Variants in RINT1 observed in about 807,000 individuals in gnomAD.
RINT1 encodes RAD50 interactor 1.
A neutral mutation model predicts 97.7 loss-of-function variants in RINT1; 75 were observed. That is an observed-to-expected ratio of 0.77 (90% CI 0.64 to 0.93). The LOEUF (loss-of-function observed/expected upper bound fraction) is 0.93. Among genes scored for constraint, RINT1 ranks in the 40% least tolerant of loss-of-function variants. RINT1 has a pLI of 0.00. For missense variants in RINT1, 892 were observed against 925.2 expected, an observed-to-expected ratio of 0.96 and a Z score of 0.47; for synonymous variants, 303 against 326.3, an observed-to-expected ratio of 0.93 and a Z score of 0.77.
rs1289650103 is a variant in RINT1 at position 105,567,487 on chromosome 7, G to A, written c.*176G>A. On this transcript the variant is annotated 3_prime_UTR_variant, in exon 15 of 15. Coordinates refer to ENST00000257700, the MANE Select transcript of RINT1 (RefSeq NM_021930.6). ...CTGACCATATTTCCTTCATCCTCTT[G>A]TTCCTAAGGAAACAAAAACAGAAAA... The A allele has an allele frequency of 1.4e-6, 1 of 703,714 alleles. No homozygotes were observed. The highest frequency in any genetic ancestry group is 2.1e-5 in the Admixed American group (1 of 48,186). The allele number at this position is 703,714 out of a possible 1,614,324, so 43.6% of individuals were successfully genotyped here. A position where few individuals can be genotyped will look rare whatever the true frequency, so the allele number is the denominator to read the frequency against.
intron 10 of RINT1, among the ~76,000 whole-genome samples, chr7:105,552,394 A>G (rs1049013111): frequency 1.3e-5 from 2 of 152,138 alleles, no homozygotes; most frequent in African/African-American, 4.8e-5. Flanking sequence ...TAAAATAATG[A>G]AGTAATTTTA....
Position 105,567,344 on chromosome 7 carries a change from T to C in RINT1, c.*33T>C. The stretch of plus-strand genomic sequence containing the variant: ...CAGAAAAAGGTTTCTTTGGTTTTTG[T>C]TTCTAAGAAAGAGGAAGCCAATTGG... On this transcript the variant is annotated 3_prime_UTR_variant, in exon 15 of 15. Transcript: ENST00000257700. The C allele has an allele frequency of 6.7e-7, 1 of 1,490,824 alleles. No homozygotes were observed. Among genetic ancestry groups the C allele is most frequent in the Non-Finnish European group, 9.2e-7 (1 of 1,088,914 alleles). 92.3% of individuals were successfully genotyped at this position (1,490,824 alleles called of 1,614,324 possible). A position where few individuals can be genotyped will look rare whatever the true frequency, so the allele number is the denominator to read the frequency against.
At chr7:105,535,389 C>T (rs1790188991) in intron 2 of RINT1, among the ~76,000 whole-genome samples, 1 of 151,854 alleles carries the variant, frequency 6.6e-6, no homozygotes, top group Admixed American at 6.6e-5. Context: ...ACCGCCATGC[C>T]CAGCTAATTT....
rs748983493 is a variant in RINT1 at position 105,536,628 on chromosome 7, A to G, written c.152A>G (p.Asp51Gly). The change falls in exon 3 of 15, where the codon GAT becomes GGT. Residue 51 changes from aspartate to glycine, a missense_variant. Physicochemically the swap from Asp to Gly is moderately conservative, Grantham distance 94. Transcript: ENST00000257700. ...GTCAGTGAAGGTACAGATAATGGTGATCTCCCTTCTTATGTGTCTGCATTC... is the reference window on the plus strand; with the variant it reads ...GTCAGTGAAGGTACAGATAATGGTGGTCTCCCTTCTTATGTGTCTGCATTC... ...KQVSEGTDNG[D>G]LPSYVSAFIE... 13 of 1,612,004 alleles carry G rather than the reference A, an allele frequency of 8.1e-6. No individual in the cohort carries two copies. Among genetic ancestry groups the G allele is most frequent in the Non-Finnish European group, 1.1e-5 (13 of 1,178,828 alleles).
intron 3 of RINT1, among the ~76,000 whole-genome samples, chr7:105,537,750 C>A (rs550941702): frequency 4.2e-4 from 63 of 151,584 alleles, no homozygotes; most frequent in African/African-American, 1.5e-3. Context: ...GCAGGAGAAT[C>A]GCTTGAACCC....
intron 4 of RINT1, among the ~76,000 whole-genome samples, chr7:105,543,429 A>C (rs956269490): frequency 3.3e-5 from 5 of 152,202 alleles, no homozygotes; most frequent in African/African-American, 1.2e-4. Flanking sequence ...GGAAAAACAA[A>C]AAAGGAAGTA....
At chr7:105,554,332 C>T (rs746426345) in intron 10 of RINT1, among the ~76,000 whole-genome samples, 2 of 152,100 alleles carry the variant, frequency 1.3e-5, no homozygotes, top group Admixed American at 6.6e-5. Context: ...CGTGCCCGGC[C>T]AACTGCCTGT....
At chr7:105,537,477 A>C (rs147599199) in intron 3 of RINT1, among the ~76,000 whole-genome samples, 1 of 152,072 alleles carries the variant, frequency 6.6e-6, no homozygotes, top group Non-Finnish European at 1.5e-5. Flanking sequence ...GTATAAAGTG[A>C]AAAGAAGTAT....
At chr7:105,534,305 G>T (rs1260512316) in intron 2 of RINT1, among the ~76,000 whole-genome samples, 1 of 152,032 alleles carries the variant, frequency 6.6e-6, no homozygotes, top group Non-Finnish European at 1.5e-5. Flanking sequence ...CTGACCTCAG[G>T]CAATCCACCG....
intron 11 of RINT1, among the ~76,000 whole-genome samples, chr7:105,558,650 C>T (rs1288289210): frequency 6.6e-6 from 1 of 152,052 alleles, no homozygotes; most frequent in Non-Finnish European, 1.5e-5. Context: ...ATGGTGAGAC[C>T]TCATCTCTAC....
chr7:105,545,089 C>T (rs890139902), intron 4 of RINT1, among the ~76,000 whole-genome samples: 2 of 152,078 alleles, frequency 1.3e-5, no homozygotes, highest in African/African-American at 4.8e-5. Context: ...GTTTCTCTAG[C>T]TTTTCCTATG....
In RINT1 at chr7:105,532,448, C is replaced by A. The variant is rs1586209838; in HGVS notation, c.42+91C>A. 2.8e-6 allele frequency: 4 copies of A among 1,408,374 alleles called. No homozygotes were observed. In the South Asian group the frequency reaches 3.7e-5, roughly 13 times the overall value. 87.2% of individuals were successfully genotyped at this position (1,408,374 alleles called of 1,614,324 possible). A position where few individuals can be genotyped will look rare whatever the true frequency, so the allele number is the denominator to read the frequency against. On this transcript the variant is annotated intron_variant, in intron 1 of 14. Transcript: ENST00000257700. ...GGGGGAGATAGTCCCGGTGCGGTGG[C>A]CCTGTAAGCTTGTGAAGGTGCTTCC...
chr7:105,561,474 C>A (rs1035389456), intron 11 of RINT1, among the ~76,000 whole-genome samples: 1 of 152,046 alleles, frequency 6.6e-6, no homozygotes, highest in Non-Finnish European at 1.5e-5. Flanking sequence ...TTGCAGTAAG[C>A]CGAGATTGCT....
At chr7:105,563,230 A>T (rs1261727604) in intron 11 of RINT1, among the ~76,000 whole-genome samples, 1 of 152,246 alleles carries the variant, frequency 6.6e-6, no homozygotes, top group Non-Finnish European at 1.5e-5. Context: ...CAGAAAGTCA[A>T]TTAGTGGTTG....
chr7:105,565,419 A>G lies in RINT1; in HGVS notation c.2029A>G (p.Met677Val), dbSNP rs758518451. The G allele has an allele frequency of 3.7e-6, 6 of 1,614,190 alleles. No homozygotes were observed. The South Asian group carries it at 6.6e-5, about 18-fold the overall frequency. ...CFSLFKIFWQ[M>V]LVEKLDVYIY... Reference sequence around the variant, plus strand: ...CTCCTTATTTAAAATTTTCTGGCAAATGCTTGTAGAGAAGCTGGATGTATA... The same window carrying G: ...CTCCTTATTTAAAATTTTCTGGCAAGTGCTTGTAGAGAAGCTGGATGTATA... The change falls in exon 13 of 15, where the codon ATG (methionine) becomes GTG (valine). Residue 677 changes from methionine to valine, a missense_variant. Coordinates refer to ENST00000257700, the MANE Select transcript of RINT1 (RefSeq NM_021930.6).
In RINT1 at chr7:105,565,265, T is replaced by G. The variant is rs774643074; in HGVS notation, c.1887-12T>G. The G allele has an allele frequency of 4.5e-6, 7 of 1,557,828 alleles. No individual in the cohort carries two copies. The highest frequency in any genetic ancestry group is 6.1e-6 in the Non-Finnish European group (7 of 1,153,180). On this transcript the variant is annotated splice_polypyrimidine_tract_variant and intron_variant, in intron 12 of 14. Coordinates refer to ENST00000257700, the MANE Select transcript of RINT1 (RefSeq NM_021930.6). ...TGATGAAAATTTTTTGGTAAAAATG[T>G]GTTTTTTCCAGATGGTTGTCCTTGC... is the stretch of plus-strand genomic sequence containing the variant.
intron 2 of RINT1, among the ~76,000 whole-genome samples, chr7:105,534,979 T>G (rs1790167451): frequency 6.6e-6 from 1 of 152,176 alleles, no homozygotes; most frequent in Admixed American, 6.6e-5. Flanking sequence ...ATCTGACATT[T>G]ACATTTTGCA....
Position 105,567,514 on chromosome 7 carries a change from G to C in RINT1, c.*203G>C. ...TCCTAAGGAAACAAAAACAGAAAAC[G>C]AAACAATGAAAACTCAATTCTATTT... On this transcript the variant is annotated 3_prime_UTR_variant, in exon 15 of 15. Coordinates refer to ENST00000257700, the MANE Select transcript of RINT1 (RefSeq NM_021930.6). The C allele has an allele frequency of 1.4e-6, 1 of 691,136 alleles. No homozygotes were observed. The highest frequency in any genetic ancestry group is 2.6e-6 in the Non-Finnish European group (1 of 383,594). The allele number at this position is 691,136 out of a possible 1,614,324, so 42.8% of individuals were successfully genotyped here.
chr7:105,544,680 C>T (rs1293786005), intron 4 of RINT1, among the ~76,000 whole-genome samples: 1 of 152,164 alleles, frequency 6.6e-6, no homozygotes, highest in African/African-American at 2.4e-5. Flanking sequence ...AGTCATCTGC[C>T]TGCCTTGGCC....
Sources: gnomAD v4.1 joint callset for allele counts (sites outside exome capture counted in the v4.1 genomes callset) on GRCh38, gnomAD v4.1.1 for gene constraint, MANE v1.5 for transcripts, NCBI Gene and HGNC (gene_info 2026-07-23, HGNC 2026-07-21) for gene names.